FBLN1: variants seen among roughly 807,000 people sequenced by gnomAD.
FBLN1 encodes fibulin 1.
FBLN1 carries 34 observed loss-of-function variants against 89.7 expected under a neutral mutation model. The observed-to-expected ratio is 0.38, with a 90% confidence interval of 0.29 to 0.50. The LOEUF is 0.50. FBLN1 is among the 20% of genes least tolerant of loss of function. The probability of loss-of-function intolerance (pLI) is 0.92; values close to 1 mark genes in which losing one functional copy is unlikely to be tolerated. For missense variants in FBLN1, 777 were observed against 988.1 expected (o/e 0.79, Z 2.86); for synonymous variants, 393 against 391.3 (o/e 1.00, Z -0.05).
intron 14 of FBLN1, among the ~76,000 whole-genome samples, chr22:45,569,790 C>A (rs867280665): frequency 4.6e-5 from 7 of 152,266 alleles, no homozygotes; most frequent in Middle Eastern, 3.4e-3. Context: ...CCAAACCTGC[C>A]AACACCTTGA....
intron 1 of FBLN1, among the ~76,000 whole-genome samples, chr22:45,514,635 G>A (rs529152763): frequency 6.6e-6 from 1 of 152,290 alleles, no homozygotes; most frequent in South Asian, 2.1e-4. Context: ...GGGGGCAGAG[G>A]ATCTTGCCCC....
At chr22:45,538,440 C>T (rs2088511174) in intron 8 of FBLN1, among the ~76,000 whole-genome samples, 1 of 152,226 alleles carries the variant, frequency 6.6e-6, no homozygotes, top group Non-Finnish European at 1.5e-5. Flanking sequence ...CTGGGCTCTG[C>T]TCCCTTGAGA....
At chr22:45,525,440 G>C in intron 2 of FBLN1, 103 bp from the exon 3 acceptor site, 1 of 1,035,770 alleles carries the variant, frequency 9.7e-7, no homozygotes, top group Non-Finnish European at 1.5e-6. Flanking sequence ...TGTGGGAGCA[G>C]GGAAGGGGAG....
intron 14 of FBLN1, among the ~76,000 whole-genome samples, chr22:45,564,671 T>G (rs1398570501): frequency 6.6e-6 from 1 of 152,362 alleles, no homozygotes; most frequent in Admixed American, 6.5e-5. Flanking sequence ...TTGACTCGCG[T>G]TTCACATTTG....
chr22:45,548,105 G>GGT (rs2088654899), intron 12 of FBLN1, among the ~76,000 whole-genome samples: 1 of 152,168 alleles, frequency 6.6e-6, no homozygotes, highest in South Asian at 2.1e-4. Flanking sequence ...TTGGAGGGCA[G>GGT]TGGTACAAAC....
chr22:45,562,793 G>A lies in FBLN1; in HGVS notation c.1698-11718G>A, dbSNP rs151132414. On this transcript the variant is annotated intron_variant, in intron 14 of 16. Coordinates refer to ENST00000327858, the MANE Select transcript of FBLN1 (RefSeq NM_006486.3). The surrounding 1 kb of genome is among the most constrained non-coding windows in gnomAD (Gnocchi z 7.8). ...GTGTGCCCTTCGTGTTGGCTGAATC[G>A]GCCAGAGGGGCGGCGGGAGGCCCCG... The A allele has an allele frequency of 0.032, 31,319 of 978,518 alleles. 685 individuals carry two copies. Among genetic ancestry groups the A allele is most frequent in the South Asian group, 0.068 (5,261 of 77,890 alleles). The allele number at this position is 978,518 out of a possible 1,614,324, so 60.6% of individuals were successfully genotyped here.
chr22:45,559,538 C>T (rs993639351), intron 14 of FBLN1, among the ~76,000 whole-genome samples: 1 of 152,182 alleles, frequency 6.6e-6, no homozygotes, highest in East Asian at 1.9e-4. Context: ...GGGGTTCTGC[C>T]AGCTGCTAAG....
In FBLN1 at chr22:45,540,506, C is replaced by G. The variant is rs191072854; in HGVS notation, c.923-723C>G. Among the ~76,000 whole-genome samples the G allele has an allele frequency of 1.3e-3, 200 of 152,320 alleles. 2 individuals carry two copies. Among genetic ancestry groups the G allele is most frequent in the African/African-American group, 4.7e-3 (196 of 41,570 alleles). ...CCATCACTCCCTCTCTTTGTTCCCC[C>G]ATACCAGATGCTTTGTAAGTGTCTG... On this transcript the variant is annotated intron_variant, in intron 8 of 16. Coordinates refer to ENST00000327858, the MANE Select transcript of FBLN1 (RefSeq NM_006486.3).
intron 16 of FBLN1, among the ~76,000 whole-genome samples, chr22:45,591,439 C>T (rs1397356953): frequency 6.6e-6 from 1 of 152,184 alleles, no homozygotes; most frequent in African/African-American, 2.4e-5. Context: ...GAAGAGCTGT[C>T]TCTTTCGTTC....
intron 2 of FBLN1, among the ~76,000 whole-genome samples, chr22:45,522,207 G>A (rs2088260908): frequency 6.6e-6 from 1 of 152,084 alleles, no homozygotes; most frequent in Admixed American, 6.6e-5. Context: ...GGCTGGTCTC[G>A]AACTCCTGGC....
At chr22:45,573,993 G>C in intron 14 of FBLN1, among the ~76,000 whole-genome samples, 1 of 151,604 alleles carries the variant, frequency 6.6e-6, no homozygotes, top group Non-Finnish European at 1.5e-5. Context: ...CTGCCTCCCC[G>C]TCACCTGGTG....
chr22:45,554,000 CTTGTGTGTGTGCATACA>C (rs1173847070), intron 14 of FBLN1, among the ~76,000 whole-genome samples: 1 of 152,294 alleles, frequency 6.6e-6, no homozygotes, highest in East Asian at 1.9e-4. Flanking sequence ...TGTGCGCGTG[CTTGTGTGTGTGCATACA>C]TTGTGTGTGT....
rs559520271 is a variant in FBLN1, at chr22:45,596,075, T to C, written c.1973-4232T>C. ...TAGTAGAGACGGGGTTTCACCGTGT[T>C]AGCCAGGATGGTCTTGATCTCCTGA... On this transcript the variant is annotated intron_variant, in intron 16 of 16. Coordinates refer to ENST00000327858, the MANE Select transcript of FBLN1 (RefSeq NM_006486.3). 5.9e-5 allele frequency among the ~76,000 whole-genome samples: 9 copies of C among 152,324 alleles called. No individual in the cohort carries two copies. The East Asian group carries it at 1.4e-3, about 23-fold the overall frequency.
intron 11 of FBLN1, among the ~76,000 whole-genome samples, chr22:45,544,342 C>A (rs564406723): frequency 5.6e-4 from 85 of 152,316 alleles, no homozygotes; most frequent in African/African-American, 2.0e-3. Flanking sequence ...CCACCTCGGC[C>A]TCCCAAAGTG....
At position 45,576,037 on chromosome 22, in the gene FBLN1, CG is replaced by C. The variant is rs1555960985; in HGVS notation, c.1841-933del. Among the ~76,000 whole-genome samples the C allele has an allele frequency of 6.0e-5, 9 of 150,752 alleles. No individual in the cohort carries two copies. Among genetic ancestry groups the C allele is most frequent in the African/African-American group, 2.2e-4 (9 of 40,972 alleles). On this transcript the variant is annotated intron_variant, in intron 15 of 16. Coordinates refer to ENST00000327858, the MANE Select transcript of FBLN1 (RefSeq NM_006486.3). The surrounding 1 kb of genome is among the most constrained non-coding windows in gnomAD (Gnocchi z 5.2). ...GTGTTTACACCATGACACAACCATGCGGGGGGGTGGGGGGAGGAGAGGCTCC... is the reference window on the plus strand; with the variant it reads ...GTGTTTACACCATGACACAACCATGCGGGGGGTGGGGGGAGGAGAGGCTCC...
chr22:45,525,867 G>C (rs899838999), intron 3 of FBLN1, among the ~76,000 whole-genome samples, 189 bp downstream of exon 3: 1 of 152,202 alleles, frequency 6.6e-6, no homozygotes, highest in African/African-American at 2.4e-5. Flanking sequence ...CACTGTAGCC[G>C]TAAACCCCGG....
At chr22:45,535,556 A>G in intron 8 of FBLN1, 1 of 569,496 alleles carries the variant, frequency 1.8e-6, no homozygotes, top group South Asian at 2.0e-5. Context: ...TATAGTCTAA[A>G]GCGGCCAAGG....
intron 14 of FBLN1, among the ~76,000 whole-genome samples, chr22:45,568,340 C>G (rs1401611880): frequency 6.6e-6 from 1 of 152,212 alleles, no homozygotes; most frequent in Non-Finnish European, 1.5e-5. Flanking sequence ...GCCAGAAGTC[C>G]AAAATCAAGG....
In FBLN1 at chr22:45,577,006, C is replaced by T; in HGVS notation, c.1870C>T (p.Pro624Ser). The part of the protein sequence containing the change: ...EIIFLRAITP[P>S]HPASQANIIF... ...CATCTTCCTCCGGGCCATCACGCCA[C>T]CGCATCCTGCCAGCCAGGCTAACAT... The change falls in exon 16 of 17, where the codon CCG becomes TCG. Residue 624 changes from proline (P) to serine (S), a missense_variant. Coordinates refer to ENST00000327858, the MANE Select transcript of FBLN1 (RefSeq NM_006486.3). This position sits in a 1 kb window ranked among gnomAD's most constrained non-coding sequence, Gnocchi z 6.6. 6.2e-7 allele frequency: 1 copy of T among 1,614,170 alleles called. No individual in the cohort carries two copies. The highest frequency in any genetic ancestry group is 1.1e-5 in the South Asian group (1 of 91,090).
Sources: gnomAD v4.1 joint callset for allele counts (sites outside exome capture counted in the v4.1 genomes callset) on GRCh38, gnomAD v4.1.1 for gene constraint, Gnocchi (gnomAD v3.1) non-coding constraint, MANE v1.5 for transcripts, NCBI Gene and HGNC (gene_info 2026-07-23, HGNC 2026-07-21) for gene names.